GPT2: variants seen among roughly 807,000 people sequenced by gnomAD.
GPT2 encodes the protein glutamic--pyruvic transaminase 2.
Under a neutral mutation model 56.9 loss-of-function variants are expected in GPT2, and 30 were observed. The ratio of observed to expected loss-of-function variants is 0.53; its 90% CI spans 0.39 to 0.72. The LOEUF (loss-of-function observed/expected upper bound fraction) is 0.72. Among genes scored for constraint, GPT2 ranks in the 30% least tolerant of loss-of-function variants. GPT2 has a pLI of 0.00. For missense variants in GPT2, 542 were observed against 703.4 expected (o/e 0.77, Z 2.60); for synonymous variants, 271 against 283.1 (o/e 0.96, Z 0.43).
In GPT2 at chr16:46,895,019, G is replaced by C. The variant is rs569853375; in HGVS notation, c.244-2629G>C. Among the ~76,000 whole-genome samples the C allele has an allele frequency of 1.9e-4, 29 of 152,208 alleles. 1 individual carries two copies. The East Asian group carries it at 5.6e-3, about 30-fold the overall frequency. ...AGACACTGAAGAACTCAGCAGATGG[G>C]CCACAAGGGGCTTAGAGGACCCCCT... On this transcript the variant is annotated intron_variant, in intron 2 of 11. Transcript: ENST00000340124.
rs115574480 is a variant in GPT2, at chr16:46,916,646, A to G, written c.839A>G (p.Lys280Arg). 1.3e-4 allele frequency: 215 copies of G among 1,613,826 alleles called. No homozygotes were observed. The East Asian group carries it at 4.8e-3, about 36-fold the overall frequency. The change falls in exon 7 of 12, where the codon AAG becomes AGG. Residue 280 changes from lysine to arginine, a missense_variant. By Grantham distance (26) the Lys-to-Arg change is conservative (BLOSUM62 2). Transcript: ENST00000340124. ...TTTATAGGCCAGGTACAAAGCAGAA[A>G]GTGCATAGAAGATGTGATCCACTTT... is the stretch of plus-strand genomic sequence containing the variant. ...GNPTGQVQSR[K>R]CIEDVIHFAW...
At chr16:46,890,881 T>C (rs1960572158) in intron 2 of GPT2, among the ~76,000 whole-genome samples, 1 of 152,174 alleles carries the variant, frequency 6.6e-6, no homozygotes, top group African/African-American at 2.4e-5. Flanking sequence ...TTGTTGTTTG[T>C]TTTGTTTTTG....
chr16:46,915,733 CCACACACA>C (rs1000084863), intron 6 of GPT2: 1 of 148,516 alleles, frequency 6.7e-6, no homozygotes, highest in Non-Finnish European at 1.5e-5. Context: ...CCCACCACAC[CCACACACA>C]CACTACAGAC....
intron 3 of GPT2, 35 bp downstream of exon 3, chr16:46,897,772 G>C: frequency 6.2e-7 from 1 of 1,600,436 alleles, no homozygotes; most frequent in African/African-American, 1.3e-5. Flanking sequence ...CTGCAGGAGG[G>C]CAGGGCCCTG....
intron 9 of GPT2, among the ~76,000 whole-genome samples, chr16:46,923,182 C>T (rs1346273227): frequency 6.6e-6 from 1 of 152,164 alleles, no homozygotes; most frequent in Non-Finnish European, 1.5e-5. Flanking sequence ...GTCATGTTGG[C>T]CGGGCGTAGC....
In GPT2 at chr16:46,916,535, C is replaced by G. The variant is rs963794568; in HGVS notation, c.821-93C>G. On this transcript the variant is annotated intron_variant, in intron 6 of 11. Coordinates refer to ENST00000340124, the MANE Select transcript of GPT2 (RefSeq NM_133443.4). ...GTGTTCTATGGGTCTCAAGGGAACA[C>G]AGGGCACTGAGTGATTCTGGATGGG... The G allele has an allele frequency of 2.2e-5, 20 of 918,012 alleles. No individual in the cohort carries two copies. The South Asian group carries it at 2.5e-4, about 11-fold the overall frequency. 56.9% of individuals were successfully genotyped at this position (918,012 alleles called of 1,614,324 possible).
rs192613764 is a variant in GPT2, at chr16:46,895,680, A to G, written c.244-1968A>G. On this transcript the variant is annotated intron_variant, in intron 2 of 11. Coordinates refer to ENST00000340124, the MANE Select transcript of GPT2 (RefSeq NM_133443.4). ...GCTGGGGCTATAGGCATGTGCCACC[A>G]TGCCTGGCTAATTTTAATTTTTTGT... 1.7e-3 allele frequency among the ~76,000 whole-genome samples: 263 copies of G among 152,258 alleles called. 1 individual carries two copies. The highest frequency in any genetic ancestry group is 6.8e-3 in the Middle Eastern group (2 of 294).
At chr16:46,924,959 G>A (rs979202710) in intron 10 of GPT2, among the ~76,000 whole-genome samples, 6 of 151,920 alleles carry the variant, frequency 3.9e-5, no homozygotes, top group African/African-American at 1.2e-4. Flanking sequence ...AACGGGTCTC[G>A]CTAGATTGCC....
chr16:46,911,354 G>A (rs1961043799), intron 6 of GPT2, among the ~76,000 whole-genome samples: 2 of 152,310 alleles, frequency 1.3e-5, no homozygotes, highest in South Asian at 4.1e-4. Flanking sequence ...ATGCATTGGA[G>A]TTGGTTGTGG....
chr16:46,902,121 C>T (rs761646348), intron 4 of GPT2, among the ~76,000 whole-genome samples: 39 of 152,224 alleles, frequency 2.6e-4, no homozygotes, highest in Non-Finnish European at 4.4e-4. Context: ...TTTTGTTCCA[C>T]GTGCTAAGCC....
chr16:46,910,380 C>CAAAA (rs4039999), intron 6 of GPT2, among the ~76,000 whole-genome samples: 5 of 46,474 alleles, frequency 1.1e-4, no homozygotes, highest in African/African-American at 2.1e-4. Context: ...GACTCTGTCT[C>CAAAA]AAAAAAAAAA....
At chr16:46,885,312 T>G in intron 2 of GPT2, 1 of 951,428 alleles carries the variant, frequency 1.1e-6, no homozygotes, top group Non-Finnish European at 1.3e-6. Context: ...AGAGTCTCAG[T>G]GATAAGTTCT....
Position 46,930,372 on chromosome 16 carries a change from T to C in GPT2, c.*1375T>C, listed in dbSNP as rs938113127. 2 of 152,248 alleles carry C rather than the reference T, an allele frequency of 1.3e-5. No homozygotes were observed. The highest frequency in any genetic ancestry group is 4.8e-5 in the African/African-American group (2 of 41,474). The allele number at this position is 152,248 out of a possible 1,614,324, so 9.4% of individuals were successfully genotyped here. Reference sequence around the variant, plus strand: ...AAGCTCAGGAGCCTGGGACCCCGCATGTCCCAAAATGGGATTGGAGAAGCT... The same window carrying C: ...AAGCTCAGGAGCCTGGGACCCCGCACGTCCCAAAATGGGATTGGAGAAGCT... On this transcript the variant is annotated 3_prime_UTR_variant, in exon 12 of 12. Transcript: ENST00000340124.
At chr16:46,892,456 G>A (rs1356660804) in intron 2 of GPT2, among the ~76,000 whole-genome samples, 1 of 152,056 alleles carries the variant, frequency 6.6e-6, no homozygotes, top group African/African-American at 2.4e-5. Context: ...CCCAGCAGTG[G>A]GACTGCTGGA....
At chr16:46,903,745 T>A (rs1464868094) in intron 4 of GPT2, among the ~76,000 whole-genome samples, 3 of 152,172 alleles carry the variant, frequency 2.0e-5, no homozygotes, top group Non-Finnish European at 4.4e-5. Flanking sequence ...CCTGAGTACA[T>A]ACCAGGCTGT....
chr16:46,905,544 A>G (rs968644064), intron 4 of GPT2, among the ~76,000 whole-genome samples: 1 of 152,174 alleles, frequency 6.6e-6, no homozygotes, highest in South Asian at 2.1e-4. Context: ...AGAATATACA[A>G]TGAAACATCT....
rs549715191 is a variant in GPT2 at position 46,899,023 on chromosome 16, ATATATATATATAT to A, written c.333+1288_333+1300del. 0.023 allele frequency among the ~76,000 whole-genome samples: 86 copies of A among 3,774 alleles called. 2 individuals carry two copies. In the Middle Eastern group the frequency reaches 0.32, roughly 14 times the overall value. The allele number at this position is 3,774 out of a possible 152,430, so 2.5% of individuals were successfully genotyped here. A position where few individuals can be genotyped will look rare whatever the true frequency, so the allele number is the denominator to read the frequency against. On this transcript the variant is annotated intron_variant, in intron 3 of 11. Transcript: ENST00000340124. ...CATATATATATATATATATATATAT[ATATATATATATAT>A]TTTTTTTTTTTTAGAGACAGAGTCT...
At chr16:46,926,862 T>G in intron 10 of GPT2, 63 bp from the exon 11 acceptor site, 1 of 1,106,406 alleles carries the variant, frequency 9.0e-7, no homozygotes. Context: ...ACATTTGGCT[T>G]TGAGGGTTGA....
At chr16:46,922,513 G>C in intron 9 of GPT2, 97 bp downstream of exon 9, 15 of 1,200,180 alleles carry the variant, frequency 1.2e-5, no homozygotes, top group East Asian at 2.4e-5. Flanking sequence ...CCAGACAGCA[G>C]CCTCCTGAGG....
Sources: gnomAD v4.1 joint callset for allele counts (sites outside exome capture counted in the v4.1 genomes callset) on GRCh38, gnomAD v4.1.1 for gene constraint, MANE v1.5 for transcripts, NCBI Gene and HGNC (gene_info 2026-07-23, HGNC 2026-07-21) for gene names.